The following ZNF804B variants were observed in gnomAD, a reference collection of about 807,000 sequenced individuals.
The protein encoded by ZNF804B is zinc finger protein 804B.
In ZNF804B, 80 loss-of-function variants were observed where a neutral mutation model predicts 101.4. The ratio of observed to expected loss-of-function variants is 0.79; its 90% CI spans 0.66 to 0.95. ZNF804B has a LOEUF of 0.95. ZNF804B is among the 40% of genes least tolerant of loss of function. ZNF804B has a pLI of 0.00. For synonymous variants in ZNF804B, 622 were observed against 558.8 expected, an observed-to-expected ratio of 1.11 and a Z score of -1.59; for missense variants, 1,673 against 1,561.9, an observed-to-expected ratio of 1.07 and a Z score of -1.20.
chr7:88,880,786 T>C (rs925481396), intron 1 of ZNF804B, among the ~76,000 whole-genome samples: 1 of 152,122 alleles, frequency 6.6e-6, no homozygotes, highest in African/African-American at 2.4e-5. Context: ...TGACTTTCCA[T>C]TTTCAATATG....
At chr7:89,024,220 G>A (rs1181658212) in intron 1 of ZNF804B, among the ~76,000 whole-genome samples, 1 of 152,110 alleles carries the variant, frequency 6.6e-6, no homozygotes, top group African/African-American at 2.4e-5. Flanking sequence ...GCTTCTGATA[G>A]TGTCCACTCT....
chr7:88,921,981 A>G (rs1792726700), intron 1 of ZNF804B, among the ~76,000 whole-genome samples: 1 of 152,084 alleles, frequency 6.6e-6, no homozygotes, highest in Non-Finnish European at 1.5e-5. Flanking sequence ...GATTTTATTT[A>G]AAATTGATTC....
chr7:89,251,969 A>C (rs1458627139), intron 2 of ZNF804B, among the ~76,000 whole-genome samples: 2 of 152,124 alleles, frequency 1.3e-5, no homozygotes, highest in Non-Finnish European at 2.9e-5. Context: ...AGAGAACCTA[A>C]GAAATGGCAT....
At chr7:88,785,793 C>A (rs1790293465) in intron 1 of ZNF804B, among the ~76,000 whole-genome samples, 1 of 152,088 alleles carries the variant, frequency 6.6e-6, no homozygotes, top group Non-Finnish European at 1.5e-5. Context: ...TACATAAAAT[C>A]TCCTCTGCCA....
chr7:88,825,869 G>C (rs761185613), intron 1 of ZNF804B, among the ~76,000 whole-genome samples: 2 of 152,130 alleles, frequency 1.3e-5, no homozygotes, highest in African/African-American at 4.8e-5. Context: ...CTTTGTATCA[G>C]TGCTGGCTTG....
In ZNF804B at chr7:89,338,439, A is replaced by G. The variant is rs1040690252; in HGVS notation, c.*1407A>G. Among the ~76,000 whole-genome samples the G allele has an allele frequency of 6.6e-6, 1 of 152,074 alleles. No individual in the cohort carries two copies. The highest frequency in any genetic ancestry group is 1.5e-5 in the Non-Finnish European group (1 of 67,944). ...ATCATTCCTCATTACAGATAAGGAA[A>G]ATGAAATAGAAAGGTTAAATACTAA... On this transcript the variant is annotated 3_prime_UTR_variant, in exon 4 of 4. Transcript: ENST00000333190.
At chr7:89,142,995 G>A (rs1465231080) in intron 1 of ZNF804B, among the ~76,000 whole-genome samples, 1 of 151,926 alleles carries the variant, frequency 6.6e-6, no homozygotes, top group Non-Finnish European at 1.5e-5. Context: ...AGTGAAATCA[G>A]CCCCTCTTTA....
intron 1 of ZNF804B, among the ~76,000 whole-genome samples, chr7:88,816,932 G>C (rs1019620703): frequency 4.7e-5 from 7 of 148,208 alleles, no homozygotes; most frequent in Non-Finnish European, 7.4e-5. Flanking sequence ...CACATGCACA[G>C]GTATGTTTAT....
At chr7:88,940,229 C>A (rs1584028535) in intron 1 of ZNF804B, among the ~76,000 whole-genome samples, 1 of 151,594 alleles carries the variant, frequency 6.6e-6, no homozygotes, top group East Asian at 2.0e-4. Context: ...CCAAGTAATC[C>A]AAGAATCAAA....
intron 2 of ZNF804B, among the ~76,000 whole-genome samples, chr7:89,231,372 A>T (rs1008558565): frequency 6.6e-6 from 1 of 152,058 alleles, no homozygotes; most frequent in Non-Finnish European, 1.5e-5. Flanking sequence ...AAGTTTTGAA[A>T]TTAGATAGTA....
chr7:88,918,228 T>C (rs1046055079), intron 1 of ZNF804B, among the ~76,000 whole-genome samples: 2 of 152,154 alleles, frequency 1.3e-5, no homozygotes, highest in African/African-American at 4.8e-5. Flanking sequence ...ATAAATACTT[T>C]CAAATAAGTA....
chr7:89,310,596 G>A (rs1178139742), intron 2 of ZNF804B, among the ~76,000 whole-genome samples: 1 of 152,106 alleles, frequency 6.6e-6, no homozygotes, highest in African/African-American at 2.4e-5. Flanking sequence ...TACTTTGCAG[G>A]TATGTTCAAA....
At chr7:88,811,866 G>A (rs1583951707) in intron 1 of ZNF804B, among the ~76,000 whole-genome samples, 1 of 152,032 alleles carries the variant, frequency 6.6e-6, no homozygotes, top group East Asian at 1.9e-4. Flanking sequence ...AATGTATGCT[G>A]GGCTTAATAC....
chr7:88,786,065 C>T (rs968397274), intron 1 of ZNF804B, among the ~76,000 whole-genome samples: 2 of 152,096 alleles, frequency 1.3e-5, no homozygotes, highest in Admixed American at 6.6e-5. Context: ...TGATTGTACC[C>T]CTGCTGATGC....
At chr7:89,058,399 A>G (rs1027993835) in intron 1 of ZNF804B, among the ~76,000 whole-genome samples, 46 of 118,386 alleles carry the variant, frequency 3.9e-4, no homozygotes, top group African/African-American at 1.2e-3. Flanking sequence ...ATAATTTTAT[A>G]TTGATATTAT....
intron 1 of ZNF804B, among the ~76,000 whole-genome samples, chr7:88,899,004 G>C (rs936411878): frequency 2.6e-5 from 4 of 152,158 alleles, no homozygotes; most frequent in African/African-American, 9.7e-5. Flanking sequence ...CCAGTTCTGA[G>C]TCTAAGAAAC....
At chr7:88,973,134 A>G (rs1584047533) in intron 1 of ZNF804B, among the ~76,000 whole-genome samples, 1 of 148,666 alleles carries the variant, frequency 6.7e-6, no homozygotes, top group South Asian at 2.1e-4. Context: ...CTCTACTCCC[A>G]CTCAAGGGTT....
At chr7:89,185,310 C>T (rs760576236) in intron 1 of ZNF804B, among the ~76,000 whole-genome samples, 3 of 152,050 alleles carry the variant, frequency 2.0e-5, no homozygotes, top group Non-Finnish European at 2.9e-5. Flanking sequence ...AGAAGTCTTA[C>T]GCATAGAAGA....
At chr7:89,181,857 TC>T (rs1788303133) in intron 1 of ZNF804B, among the ~76,000 whole-genome samples, 1 of 152,230 alleles carries the variant, frequency 6.6e-6, no homozygotes, top group South Asian at 2.1e-4. Flanking sequence ...TATGATTTGT[TC>T]CCTTATTGTG....
Sources: allele counts gnomAD v4.1 joint callset (sites outside exome capture counted in the v4.1 genomes callset), GRCh38; gene constraint gnomAD v4.1.1; transcripts MANE v1.5; gene names NCBI Gene and HGNC (gene_info 2026-07-23, HGNC 2026-07-21).